PCDHGA3: variants seen among roughly 807,000 people sequenced by gnomAD.
The protein encoded by PCDHGA3 is protocadherin gamma subfamily A, 3.
In PCDHGA3, 40 loss-of-function variants were observed where a neutral mutation model predicts 58.5. That is an observed-to-expected ratio of 0.68 (90% CI 0.53 to 0.89). PCDHGA3 has a LOEUF of 0.89. PCDHGA3 is among the 40% of genes least tolerant of loss of function. The pLI, the probability that PCDHGA3 is intolerant of heterozygous loss-of-function variation, is 0.00. For synonymous variants in PCDHGA3, 530 were observed against 525.7 expected (o/e 1.01, Z -0.11); for missense variants, 1,223 against 1,195.9 (o/e 1.02, Z -0.33).
At chr5:141,470,734 G>C (rs970003510) in intron 1 of PCDHGA3, among the ~76,000 whole-genome samples, 1 of 152,128 alleles carries the variant, frequency 6.6e-6, no homozygotes, top group South Asian at 2.1e-4. Context: ...GTCTTGCTCT[G>C]TCGCCCTGGC....
At chr5:141,406,574 C>A (rs941574087) in intron 1 of PCDHGA3, among the ~76,000 whole-genome samples, 1 of 152,164 alleles carries the variant, frequency 6.6e-6, no homozygotes, top group African/African-American at 2.4e-5. Context: ...CCCTAGTAAA[C>A]CAATTTTTTC....
chr5:141,372,210 T>C lies in PCDHGA3; in HGVS notation c.2424+25753T>C, dbSNP rs763593596. ...CTCGGGATACAACGCCTGGCTGTCC[T>C]ACCACATTGTGCAGGCCAGCGAGCC... On this transcript the variant is annotated intron_variant, in intron 1 of 3. Transcript: ENST00000253812. The C allele has an allele frequency of 2.0e-5, 33 of 1,613,456 alleles. No homozygotes were observed. In the South Asian group the frequency reaches 2.9e-4, roughly 14 times the overall value.
chr5:141,436,519 C>A (rs770168763), intron 1 of PCDHGA3, among the ~76,000 whole-genome samples: 2 of 152,140 alleles, frequency 1.3e-5, no homozygotes, highest in African/African-American at 2.4e-5. Context: ...TTAACTGTGT[C>A]ACCTTTAGCA....
rs1428173642 is a variant in PCDHGA3 at position 141,344,374 on chromosome 5, T to G, written c.341T>G (p.Leu114Trp). Residue 114 changes from leucine to tryptophan, a missense_variant, in exon 1 of 4, where the codon TTG becomes TGG. Physicochemically the swap from Leu to Trp is moderately conservative, Grantham distance 61. Around this residue, in one of 3 missense-constraint regions of PCDHGA3, gnomAD observed 791 missense variants for 708.5 expected, o/e 1.12. Transcript: ENST00000253812. ...VKINILVEDK[L>W]KIFEVEIEIK... ...ATTAACATTCTGGTTGAGGATAAAT[T>G]GAAAATTTTTGAAGTAGAAATAGAA... is the stretch of plus-strand genomic sequence containing the variant. 6.2e-7 allele frequency: 1 copy of G among 1,613,068 alleles called. No individual in the cohort carries two copies. Among genetic ancestry groups the G allele is most frequent in the African/African-American group, 1.3e-5 (1 of 74,846 alleles).
chr5:141,444,093 G>A (rs531514787), intron 1 of PCDHGA3, among the ~76,000 whole-genome samples: 1 of 147,730 alleles, frequency 6.8e-6, no homozygotes, highest in East Asian at 2.0e-4. Flanking sequence ...GTCTGCTAAG[G>A]ATTGGAAACC....
Position 141,490,876 on chromosome 5 carries a change from G to T in PCDHGA3, c.2425-3931G>T. On this transcript the variant is annotated intron_variant, in intron 1 of 3. Coordinates refer to ENST00000253812, the MANE Select transcript of PCDHGA3 (RefSeq NM_018916.4). The surrounding 1 kb of genome is among the most constrained non-coding windows in gnomAD (Gnocchi z 5.4). Reference sequence around the variant, plus strand: ...AGACTCCGGCTCTCCCCCATTGCATGCCAACACATCTCTGCATGTGTTTGT... The same window carrying T: ...AGACTCCGGCTCTCCCCCATTGCATTCCAACACATCTCTGCATGTGTTTGT... 6.2e-7 allele frequency: 1 copy of T among 1,613,840 alleles called. No homozygotes were observed. The highest frequency in any genetic ancestry group is 8.5e-7 in the Non-Finnish European group (1 of 1,179,894).
Position 141,489,791 on chromosome 5 carries a change from C to G in PCDHGA3, c.2425-5016C>G. ...AGCCACTTCTCTCTGAATGTGAAGA[C>G]CCTAAAAGATGGGAAGCCATTCCCA... On this transcript the variant is annotated intron_variant, in intron 1 of 3. Transcript: ENST00000253812. The surrounding 1 kb of genome is among the most constrained non-coding windows in gnomAD (Gnocchi z 4.5). 2 of 1,614,174 alleles carry G rather than the reference C, an allele frequency of 1.2e-6. No individual in the cohort carries two copies. The highest frequency in any genetic ancestry group is 1.7e-6 in the Non-Finnish European group (2 of 1,180,002).
chr5:141,451,007 T>A (rs2098704118), intron 1 of PCDHGA3, among the ~76,000 whole-genome samples: 1 of 151,594 alleles, frequency 6.6e-6, no homozygotes, highest in Non-Finnish European at 1.5e-5. Flanking sequence ...TTGTATTTTT[T>A]TTAGTAGAGA....
At chr5:141,381,826 C>CTTTTTTTTTTTTTTTTTTTTTT (rs770630741) in intron 1 of PCDHGA3, among the ~76,000 whole-genome samples, 11 of 74,280 alleles carry the variant, frequency 1.5e-4, no homozygotes, top group South Asian at 5.1e-4. Flanking sequence ...CTTTCTTCTT[C>CTTTTTTTTTTTTTTTTTTTTTT]TTTTTTTTTT....
chr5:141,429,955 A>G (rs971940539), intron 1 of PCDHGA3, among the ~76,000 whole-genome samples: 1 of 152,202 alleles, frequency 6.6e-6, no homozygotes, highest in Non-Finnish European at 1.5e-5. Context: ...TTTCCAGTCA[A>G]TGCAAGTTGG....
At chr5:141,375,602 A>G (rs1237264318) in intron 1 of PCDHGA3, 5 of 1,614,120 alleles carry the variant, frequency 3.1e-6, no homozygotes, top group African/African-American at 1.3e-5. Flanking sequence ...CTACGTGTCC[A>G]TCAACTCCGA....
In PCDHGA3 at chr5:141,488,566, A is replaced by T. The variant is rs1354931497; in HGVS notation, c.2425-6241A>T. On this transcript the variant is annotated intron_variant, in intron 1 of 3. Coordinates refer to ENST00000253812, the MANE Select transcript of PCDHGA3 (RefSeq NM_018916.4). ...TGTCAGCTGACATTGAGATTTCCGC[A>T]AAGCATTGCTGGAGAGTCAGGGCAA... 5.9e-5 allele frequency among the ~76,000 whole-genome samples: 9 copies of T among 152,324 alleles called. No individual in the cohort carries two copies. In the East Asian group the frequency reaches 1.5e-3, roughly 26 times the overall value.
At chr5:141,364,388 C>T in intron 1 of PCDHGA3, 2 of 1,600,174 alleles carry the variant, frequency 1.2e-6, no homozygotes, top group South Asian at 2.3e-5. Context: ...CTTCATGCTC[C>T]TGGGGACGCT....
chr5:141,471,977 A>G (rs1487329441), intron 1 of PCDHGA3, among the ~76,000 whole-genome samples: 1 of 152,212 alleles, frequency 6.6e-6, no homozygotes, highest in Non-Finnish European at 1.5e-5. Context: ...ATTACTGTAT[A>G]AATTTATTAA....
chr5:141,511,276 T>C lies in PCDHGA3; in HGVS notation c.*103T>C. On this transcript the variant is annotated 3_prime_UTR_variant, in exon 4 of 4. Coordinates refer to ENST00000253812, the MANE Select transcript of PCDHGA3 (RefSeq NM_018916.4). ...AGAGTTTCAGGGCTAACCCCCAGAA[T>C]ACTGGTAGGGGCCAAGGCCATGCTC... 6.5e-7 allele frequency: 1 copy of C among 1,538,084 alleles called. No homozygotes were observed. Among genetic ancestry groups the C allele is most frequent in the Non-Finnish European group, 8.8e-7 (1 of 1,140,720 alleles).
intron 1 of PCDHGA3, chr5:141,365,783 GCTCGAGTCAC>G (rs1561535325): frequency 6.2e-7 from 1 of 1,613,842 alleles, no homozygotes; most frequent in Admixed American, 1.7e-5. Flanking sequence ...CGGCGACAAC[GCTCGAGTCAC>G]CTACTCCCTG....
At chr5:141,361,334 A>G (rs1761976311) in intron 1 of PCDHGA3, 2 of 1,613,846 alleles carry the variant, frequency 1.2e-6, no homozygotes, top group Non-Finnish European at 1.7e-6. Flanking sequence ...TCCTCAAAGA[A>G]CTATTACAAA....
intron 1 of PCDHGA3, chr5:141,415,199 T>C (rs761532551): frequency 1.7e-5 from 28 of 1,613,880 alleles, no homozygotes; most frequent in Non-Finnish European, 2.4e-5. Flanking sequence ...ATCCCCCAAG[T>C]CCTGGCGGAC....
chr5:141,432,138 A>C lies in PCDHGA3; in HGVS notation c.2425-62669A>C, dbSNP rs2097456794. On this transcript the variant is annotated intron_variant, in intron 1 of 3. Coordinates refer to ENST00000253812, the MANE Select transcript of PCDHGA3 (RefSeq NM_018916.4). The surrounding 1 kb of genome is among the most constrained non-coding windows in gnomAD (Gnocchi z 6.0). ...TTCCCTCAGGCCTCCTATTCCGCTT[A>C]TATCCCAGAGAACAATCCCAGAGGA... 1 of 1,613,954 alleles carries C rather than the reference A, an allele frequency of 6.2e-7. No individual in the cohort carries two copies. Among genetic ancestry groups the C allele is most frequent in the African/African-American group, 1.3e-5 (1 of 74,882 alleles).
Sources: allele counts gnomAD v4.1 joint callset (sites outside exome capture counted in the v4.1 genomes callset), GRCh38; gene constraint gnomAD v4.1.1; regional missense constraint gnomAD v4.1.1; non-coding constraint Gnocchi (gnomAD v3.1); transcripts MANE v1.5; gene names NCBI Gene and HGNC (gene_info 2026-07-23, HGNC 2026-07-21).